GRIP1: variants seen among roughly 807,000 people sequenced by gnomAD.
The protein encoded by GRIP1 is glutamate receptor interacting protein 1.
GRIP1 carries 45 observed loss-of-function variants against 129.9 expected under a neutral mutation model. The ratio of observed to expected loss-of-function variants is 0.35; its 90% CI spans 0.27 to 0.44. The LOEUF (loss-of-function observed/expected upper bound fraction) is 0.44, where lower values mean the gene tolerates loss of function less well. Ranked by LOEUF, GRIP1 falls within the 20% of genes least tolerant of loss-of-function variation. The probability of loss-of-function intolerance (pLI) is 1.00; values close to 1 mark genes in which losing one functional copy is unlikely to be tolerated. For synonymous variants in GRIP1, 530 were observed against 520.8 expected (o/e 1.02, Z -0.24); for missense variants, 1,196 against 1,396.8 (o/e 0.86, Z 2.29).
At chr12:66,957,506 G>A (rs7296246) in intron 1 of GRIP1, among the ~76,000 whole-genome samples, 42,431 of 151,354 alleles carry the variant, frequency 0.28, 5,937 homozygotes, top group Middle Eastern at 0.35. Flanking sequence ...CTCCTTATGC[G>A]ACTCTTGGCT....
chr12:66,586,011 G>C (rs529114695), intron 2 of GRIP1, among the ~76,000 whole-genome samples: 1 of 152,108 alleles, frequency 6.6e-6, no homozygotes, highest in South Asian at 2.1e-4. Flanking sequence ...ATCAGCACAC[G>C]AACATGCTGC....
intron 7 of GRIP1, among the ~76,000 whole-genome samples, chr12:66,478,528 A>G (rs956554396): frequency 2.0e-5 from 3 of 152,102 alleles, no homozygotes; most frequent in Admixed American, 6.6e-5. Context: ...CCATTACTGG[A>G]TATATACCCA....
At chr12:66,715,508 G>GAGAGAA (rs2035860686) in intron 1 of GRIP1, among the ~76,000 whole-genome samples, 1 of 151,082 alleles carries the variant, frequency 6.6e-6, no homozygotes, top group Non-Finnish European at 1.5e-5. Flanking sequence ...GAGAGAGAGA[G>GAGAGAA]AGAGAGAGAA....
At chr12:67,003,204 T>C (rs1242529241) in intron 1 of GRIP1, among the ~76,000 whole-genome samples, 1 of 152,232 alleles carries the variant, frequency 6.6e-6, no homozygotes, top group Admixed American at 6.5e-5. Flanking sequence ...CCCTTCTTTC[T>C]ACCCAAACTC....
At chr12:66,651,637 A>G (rs890990478) in intron 1 of GRIP1, among the ~76,000 whole-genome samples, 18 of 152,170 alleles carry the variant, frequency 1.2e-4, no homozygotes, top group African/African-American at 4.1e-4. Flanking sequence ...CATTAGGATT[A>G]TATCTGTAGG....
At chr12:66,778,865 T>C (rs1355896946) in intron 1 of GRIP1, among the ~76,000 whole-genome samples, 1 of 152,160 alleles carries the variant, frequency 6.6e-6, no homozygotes, top group East Asian at 1.9e-4. Context: ...GTGGAGCTTG[T>C]ACCAACACTG....
intron 1 of GRIP1, among the ~76,000 whole-genome samples, chr12:66,786,557 C>T (rs1230876208): frequency 6.6e-6 from 1 of 152,214 alleles, no homozygotes; most frequent in Non-Finnish European, 1.5e-5. Context: ...CTATGGTCTG[C>T]TTTTCCCAGC....
At chr12:66,761,630 C>A (rs2037479036) in intron 1 of GRIP1, among the ~76,000 whole-genome samples, 1 of 152,196 alleles carries the variant, frequency 6.6e-6, no homozygotes, top group Admixed American at 6.5e-5. Context: ...GAAAGCTTCT[C>A]AAGGACAGGT....
At chr12:66,751,191 C>CA (rs2037115761) in intron 1 of GRIP1, among the ~76,000 whole-genome samples, 1 of 152,084 alleles carries the variant, frequency 6.6e-6, no homozygotes. Context: ...GAAAGCCCCC[C>CA]AAAGTACTTT....
intron 1 of GRIP1, among the ~76,000 whole-genome samples, chr12:66,907,883 G>A (rs886231395): frequency 6.6e-6 from 1 of 152,126 alleles, no homozygotes; most frequent in African/African-American, 2.4e-5. Context: ...GGAACAAGGA[G>A]AAAGGGTCAT....
At chr12:66,655,362 A>G (rs554657670) in intron 1 of GRIP1, among the ~76,000 whole-genome samples, 46 of 152,304 alleles carry the variant, frequency 3.0e-4, no homozygotes, top group African/African-American at 1.1e-3. Flanking sequence ...AAATTGAGAA[A>G]AGGGTACCGA....
At chr12:66,926,464 G>A (rs770175439) in intron 1 of GRIP1, among the ~76,000 whole-genome samples, 4 of 152,158 alleles carry the variant, frequency 2.6e-5, no homozygotes, top group Non-Finnish European at 5.9e-5. Context: ...CAGTGAAGCT[G>A]AGAAACCTGA....
At chr12:66,637,745 C>T (rs1018020581) in intron 1 of GRIP1, among the ~76,000 whole-genome samples, 18 of 151,944 alleles carry the variant, frequency 1.2e-4, no homozygotes, top group South Asian at 2.1e-4. Context: ...TGCTCAGCTC[C>T]GTTACACAAT....
At chr12:66,815,882 T>TCTCTC (rs1566036838) in intron 1 of GRIP1, among the ~76,000 whole-genome samples, 7 of 76,758 alleles carry the variant, frequency 9.1e-5, no homozygotes, top group African/African-American at 2.4e-4. Flanking sequence ...CTCTCTCTCT[T>TCTCTC]TCTTTCTTTC....
intron 1 of GRIP1, among the ~76,000 whole-genome samples, chr12:66,859,525 A>G (rs1327072195): frequency 6.6e-6 from 1 of 152,058 alleles, no homozygotes; most frequent in East Asian, 1.9e-4. Flanking sequence ...CTCTGAATAA[A>G]ATAATTTTCT....
chr12:66,661,211 G>A (rs111592874), intron 1 of GRIP1, among the ~76,000 whole-genome samples: 4,209 of 151,902 alleles, frequency 0.028, 94 homozygotes, highest in South Asian at 0.036. Context: ...AACTTCCATC[G>A]CCAATTTGAG....
chr12:67,037,756 G>C (rs535945156), intron 1 of GRIP1, among the ~76,000 whole-genome samples: 1 of 152,154 alleles, frequency 6.6e-6, no homozygotes, highest in East Asian at 1.9e-4. Context: ...TCAATCATTT[G>C]TTCTCGAGCA....
At chr12:66,518,785 T>C (rs2060918779) in intron 5 of GRIP1, among the ~76,000 whole-genome samples, 1 of 152,214 alleles carries the variant, frequency 6.6e-6, no homozygotes, top group Admixed American at 6.5e-5. Context: ...ATATCTCTTT[T>C]CCTTTAACTT....
At chr12:66,869,788 C>G (rs1170278866) in intron 1 of GRIP1, among the ~76,000 whole-genome samples, 1 of 152,052 alleles carries the variant, frequency 6.6e-6, no homozygotes, top group African/African-American at 2.4e-5. Context: ...AGATACAAGA[C>G]AAAAACTTCC....
Sources: gnomAD v4.1 joint callset for allele counts (sites outside exome capture counted in the v4.1 genomes callset) on GRCh38, gnomAD v4.1.1 for gene constraint, MANE v1.5 for transcripts, NCBI Gene and HGNC (gene_info 2026-07-23, HGNC 2026-07-21) for gene names.